The following FBXW11 variants were observed in gnomAD, a reference collection of about 807,000 sequenced individuals.
FBXW11 encodes the protein F-box/WD repeat-containing protein 11.
A neutral mutation model predicts 77.6 loss-of-function variants in FBXW11; 19 were observed. The ratio of observed to expected loss-of-function variants is 0.24; its 90% CI spans 0.17 to 0.36. FBXW11 has a LOEUF of 0.36. FBXW11 is among the 10% of genes least tolerant of loss of function. The pLI, the probability that FBXW11 is intolerant of heterozygous loss-of-function variation, is 1.00. For missense variants in FBXW11, 334 were observed against 704.2 expected (o/e 0.47, Z 5.95); for synonymous variants, 235 against 249.4 (o/e 0.94, Z 0.54).
chr5:171,874,120 G>A (rs999170539), intron 9 of FBXW11, among the ~76,000 whole-genome samples: 8 of 152,180 alleles, frequency 5.3e-5, no homozygotes, highest in African/African-American at 1.9e-4. Flanking sequence ...TCATGTATCT[G>A]ATAAGGGACT....
Position 171,862,467 on chromosome 5 carries a change from G to A in FBXW11, c.*1660C>T, listed in dbSNP as rs534362894. 6.5e-5 allele frequency: 10 copies of A among 152,738 alleles called. No homozygotes were observed. The highest frequency in any genetic ancestry group is 3.3e-4 in the Admixed American group (5 of 15,300). The allele number at this position is 152,738 out of a possible 1,614,324, so 9.5% of individuals were successfully genotyped here. A position where few individuals can be genotyped will look rare whatever the true frequency, so the allele number is the denominator to read the frequency against. ...CTTTAGTAGTAGAGTGTGCTTCCAC[G>A]GGAAGAGGTTTACTTTATAGGAGGC... On this transcript the variant is annotated 3_prime_UTR_variant, in exon 14 of 14. Transcript: ENST00000517395.
intron 2 of FBXW11, among the ~76,000 whole-genome samples, chr5:171,924,293 G>A (rs560534600): frequency 7.9e-5 from 12 of 152,150 alleles, no homozygotes; most frequent in African/African-American, 2.4e-4. Flanking sequence ...TGAAGCCCAC[G>A]ACCCAGAGTG....
At chr5:171,879,643 T>C (rs1284662669) in intron 7 of FBXW11, among the ~76,000 whole-genome samples, 1 of 152,246 alleles carries the variant, frequency 6.6e-6, no homozygotes, top group Non-Finnish European at 1.5e-5. Flanking sequence ...TTGGCCATGC[T>C]AACAGGTGTG....
Position 171,876,414 on chromosome 5 carries a change from A to G in FBXW11, c.1092T>C (p.Ala364=). 1 of 1,614,138 alleles carries G rather than the reference A, an allele frequency of 6.2e-7. No individual in the cohort carries two copies. Among genetic ancestry groups the G allele is most frequent in the South Asian group, 1.1e-5 (1 of 91,086 alleles). The change falls in exon 9 of 14, where the codon GCT becomes GCC. Residue 364 remains alanine (A), a synonymous_variant. Coordinates refer to ENST00000517395, the MANE Select transcript of FBXW11 (RefSeq NM_001378974.1). This position sits in a 1 kb window ranked among gnomAD's most constrained non-coding sequence, Gnocchi z 4.2. The part of the protein sequence containing the change: ...MVTCSKDRSI[A]VWDMASATDI... ...CGGTCGCAGAAGCCATGTCCCACAC[A>G]GCAATGGAGCGGTCCTTGGAACAGG... is the stretch of plus-strand genomic sequence containing the variant.
At chr5:171,930,822 G>C (rs1301853154) in intron 2 of FBXW11, among the ~76,000 whole-genome samples, 1 of 148,520 alleles carries the variant, frequency 6.7e-6, no homozygotes, top group Admixed American at 6.7e-5. Context: ...ACTCATAAGT[G>C]ATTATGGCAG....
At chr5:171,926,497 CA>C (rs1290106452) in intron 2 of FBXW11, among the ~76,000 whole-genome samples, 1 of 152,134 alleles carries the variant, frequency 6.6e-6, no homozygotes, top group African/African-American at 2.4e-5. Context: ...GGTTTAACAC[CA>C]ACCCCCTTGG....
chr5:171,958,512 T>C (rs1344951259), intron 1 of FBXW11, among the ~76,000 whole-genome samples: 2 of 152,184 alleles, frequency 1.3e-5, no homozygotes, highest in Non-Finnish European at 2.9e-5. Context: ...CATTGGAACG[T>C]CATGATTTTC....
At chr5:171,979,602 G>A (rs1251536018) in intron 1 of FBXW11, among the ~76,000 whole-genome samples, 1 of 152,016 alleles carries the variant, frequency 6.6e-6, no homozygotes, top group Non-Finnish European at 1.5e-5. Context: ...TAATGGTGGT[G>A]GACTAACTGG....
intron 12 of FBXW11, 94 bp from the exon 13 acceptor site, chr5:171,868,890 C>A: frequency 2.6e-5 from 27 of 1,047,778 alleles, no homozygotes; most frequent in African/African-American, 3.2e-5. Flanking sequence ...AATGCAGCCA[C>A]TTAAACAGAC....
chr5:171,996,815 A>C, intron 1 of FBXW11: 2 of 1,063,002 alleles, frequency 1.9e-6, no homozygotes, highest in South Asian at 1.6e-5. Flanking sequence ...AAAATAAATA[A>C]GGGAAAATAT....
intron 1 of FBXW11, among the ~76,000 whole-genome samples, chr5:171,973,850 ATT>A (rs1394597149): frequency 6.6e-6 from 1 of 152,178 alleles, no homozygotes; most frequent in East Asian, 1.9e-4. Context: ...AAAATAGACT[ATT>A]AATTTAAAAT....
chr5:171,889,180 A>C (rs1305912220), intron 7 of FBXW11, among the ~76,000 whole-genome samples: 1 of 152,224 alleles, frequency 6.6e-6, no homozygotes, highest in Non-Finnish European at 1.5e-5. Context: ...CTTGGATATA[A>C]TATCGAAAGC....
At chr5:172,000,804 TTA>T (rs1483714815) in intron 1 of FBXW11, among the ~76,000 whole-genome samples, 1 of 152,210 alleles carries the variant, frequency 6.6e-6, no homozygotes, top group Non-Finnish European at 1.5e-5. Context: ...TTACCTTTCT[TTA>T]TGTCACACAG....
At chr5:171,996,393 G>A (rs1199095978) in intron 1 of FBXW11, among the ~76,000 whole-genome samples, 2 of 152,178 alleles carry the variant, frequency 1.3e-5, no homozygotes, top group East Asian at 3.8e-4. Context: ...TGAGTTAGGC[G>A]TGGTGGCTCA....
At chr5:171,997,860 G>A (rs543153509) in intron 1 of FBXW11, among the ~76,000 whole-genome samples, 3 of 152,096 alleles carry the variant, frequency 2.0e-5, no homozygotes, top group Non-Finnish European at 4.4e-5. Context: ...GAACTTACTC[G>A]AACATAAATT....
chr5:171,902,064 G>T (rs1760157688), intron 4 of FBXW11, among the ~76,000 whole-genome samples: 1 of 152,084 alleles, frequency 6.6e-6, no homozygotes, highest in South Asian at 2.1e-4. Flanking sequence ...ATATGCCCAG[G>T]GCACCCACAC....
At position 171,910,671 on chromosome 5, in the gene FBXW11, C is replaced by G; in HGVS notation, c.337G>C (p.Val113Leu). The G allele has an allele frequency of 1.9e-6, 3 of 1,613,988 alleles. No homozygotes were observed. Among genetic ancestry groups the G allele is most frequent in the Non-Finnish European group, 2.5e-6 (3 of 1,179,952 alleles). The change falls in exon 4 of 14, where the codon GTG (valine) becomes CTG (leucine). Residue 113 changes from valine to leucine, a missense_variant. Physicochemically the swap from Val to Leu is conservative, Grantham distance 32 (BLOSUM62 1). Around this residue, in one of 10 missense-constraint regions of FBXW11, gnomAD observed 56 missense variants for 144.9 expected, o/e 0.39. Transcript: ENST00000517395. ...QWSESDQVEF[V>L]EHLISRMCHY... ...CACATTCGTGAAATAAGATGTTCCA[C>G]AAATTCCACTTGATCTGATTCAGAC...
chr5:171,966,046 G>T (rs926347325), intron 1 of FBXW11, among the ~76,000 whole-genome samples: 4 of 151,728 alleles, frequency 2.6e-5, no homozygotes, highest in Admixed American at 6.6e-5. Context: ...AGCCATGATT[G>T]TAAGTTTCCT....
At chr5:171,913,730 A>G (rs1761028137) in intron 3 of FBXW11, among the ~76,000 whole-genome samples, 1 of 151,950 alleles carries the variant, frequency 6.6e-6, no homozygotes, top group African/African-American at 2.4e-5. Flanking sequence ...TGTCTTCATG[A>G]AGGGGAAAGC....
Sources: gnomAD v4.1 joint callset for allele counts (sites outside exome capture counted in the v4.1 genomes callset) on GRCh38, gnomAD v4.1.1 for gene constraint, gnomAD v4.1.1 regional missense constraint, Gnocchi (gnomAD v3.1) non-coding constraint, MANE v1.5 for transcripts, NCBI Gene and HGNC (gene_info 2026-07-23, HGNC 2026-07-21) for gene names.